Variants in PRRC2B observed in about 807,000 individuals in gnomAD.
PRRC2B encodes the protein protein PRRC2B.
A neutral mutation model predicts 242.3 loss-of-function variants in PRRC2B; 68 were observed. The ratio of observed to expected loss-of-function variants is 0.28; its 90% CI spans 0.23 to 0.34. The LOEUF (loss-of-function observed/expected upper bound fraction) is 0.34, where lower values mean the gene tolerates loss of function less well. Among genes scored for constraint, PRRC2B ranks in the 10% least tolerant of loss-of-function variants. PRRC2B has a pLI of 1.00. For synonymous variants in PRRC2B, 1,228 were observed against 1,173.6 expected, an observed-to-expected ratio of 1.05 and a Z score of -0.95; for missense variants, 2,835 against 2,954.8, an observed-to-expected ratio of 0.96 and a Z score of 0.94.
chr9:131,377,301 G>A (rs1291186237), intron 1 of PRRC2B, among the ~76,000 whole-genome samples: 1 of 152,286 alleles, frequency 6.6e-6, no homozygotes, highest in African/African-American at 2.4e-5. Context: ...TTTTAGTACA[G>A]ACGGGGTTTC....
rs754297872 is a variant in PRRC2B at position 131,484,719 on chromosome 9, C to G, written c.5494C>G (p.Arg1832Gly). The change falls in exon 24 of 32, where the codon CGG (arginine) becomes GGG (glycine). Residue 1832 changes from arginine to glycine, a missense_variant. By Grantham distance (125) the Arg-to-Gly change is moderately radical (BLOSUM62 -2). Transcript: ENST00000683519. ...GLTQSIPILR[R>G]DHHIQRAIGL... The stretch of plus-strand genomic sequence containing the variant: ...AACACAGAGTATCCCCATCCTGCGG[C>G]GGGACCATCACATCCAGAGGGCCAT... 3.1e-6 allele frequency: 5 copies of G among 1,612,652 alleles called. No individual in the cohort carries two copies. Among genetic ancestry groups the G allele is most frequent in the Non-Finnish European group, 4.2e-6 (5 of 1,179,200 alleles).
At chr9:131,470,020 T>C (rs1041116699) in intron 13 of PRRC2B, among the ~76,000 whole-genome samples, 1 of 152,210 alleles carries the variant, frequency 6.6e-6, no homozygotes, top group Admixed American at 6.5e-5. Context: ...ACAGGCTTTC[T>C]AGAGGAGGAT....
rs1401194279 is a variant in PRRC2B at position 131,444,345 on chromosome 9, T to C, written c.613+17T>C. On this transcript the variant is annotated intron_variant, in intron 6 of 31. Coordinates refer to ENST00000683519, the MANE Select transcript of PRRC2B (RefSeq NM_013318.4). ...GCCCTCAGAGTAAGTGACTGCAGCC[T>C]CTGGGCACTCGATGGAGTAACAGAA... 2.5e-6 allele frequency: 4 copies of C among 1,607,276 alleles called. No homozygotes were observed. Among genetic ancestry groups the C allele is most frequent in the Non-Finnish European group, 3.4e-6 (4 of 1,177,038 alleles).
chr9:131,495,983 G>T lies in PRRC2B; in HGVS notation c.*109G>T, dbSNP rs1944324268. ...ACCAGATCCACCGTCCAAATGCGTG[G>T]CCCAGACTGAGAGACCTCCCTCCTC... On this transcript the variant is annotated 3_prime_UTR_variant, in exon 32 of 32. Coordinates refer to ENST00000683519, the MANE Select transcript of PRRC2B (RefSeq NM_013318.4). The T allele has an allele frequency of 2.1e-6, 3 of 1,459,290 alleles. No individual in the cohort carries two copies. Among genetic ancestry groups the T allele is most frequent in the Non-Finnish European group, 2.8e-6 (3 of 1,084,746 alleles). 90.4% of individuals were successfully genotyped at this position (1,459,290 alleles called of 1,614,324 possible). A position where few individuals can be genotyped will look rare whatever the true frequency, so the allele number is the denominator to read the frequency against.
Position 131,470,829 on chromosome 9 carries a change from C to G in PRRC2B, c.1953C>G (p.Pro651=), listed in dbSNP as rs750809244. 25 of 1,612,290 alleles carry G rather than the reference C, an allele frequency of 1.6e-5. No individual in the cohort carries two copies. The highest frequency in any genetic ancestry group is 1.9e-5 in the Non-Finnish European group (22 of 1,178,932). The change falls in exon 14 of 32, where the codon CCC becomes CCG. Residue 651 remains proline (P), a synonymous_variant. Coordinates refer to ENST00000683519, the MANE Select transcript of PRRC2B (RefSeq NM_013318.4). The part of the protein sequence containing the change: ...YKMQHWQPVY[P]PPSHPQRTFY... ...TGCAGCACTGGCAGCCGGTGTACCC[C>G]CCGCCGTCCCACCCCCAGCGCACCT...
intron 9 of PRRC2B, among the ~76,000 whole-genome samples, chr9:131,453,264 C>T (rs920162458): frequency 2.6e-5 from 4 of 152,150 alleles, no homozygotes; most frequent in Non-Finnish European, 5.9e-5. Flanking sequence ...CATTCTTTTC[C>T]TTTAAGCTCC....
At chr9:131,434,984 T>C (rs945284108) in intron 3 of PRRC2B, among the ~76,000 whole-genome samples, 1 of 151,882 alleles carries the variant, frequency 6.6e-6, no homozygotes, top group African/African-American at 2.4e-5. Flanking sequence ...TACAGAAAAA[T>C]GGTGCAAAGA....
chr9:131,434,101 G>A (rs532569812), intron 3 of PRRC2B, among the ~76,000 whole-genome samples: 3 of 152,268 alleles, frequency 2.0e-5, no homozygotes, highest in East Asian at 1.9e-4. Flanking sequence ...GGCTTTGCTG[G>A]TGGTTACACG....
intron 28 of PRRC2B, chr9:131,491,209 C>T: frequency 5.9e-6 from 3 of 504,854 alleles, no homozygotes; most frequent in Non-Finnish European, 1.0e-5. Context: ...TACTCTATTC[C>T]AGCAAGAAGA....
chr9:131,400,746 G>T (rs1205067681), intron 1 of PRRC2B, among the ~76,000 whole-genome samples: 1 of 152,184 alleles, frequency 6.6e-6, no homozygotes, highest in Non-Finnish European at 1.5e-5. Context: ...AGGTTCTGGG[G>T]GGTCTCAGTC....
At chr9:131,452,104 CAGTATAAGATTGGT>C (rs1942940290) in intron 9 of PRRC2B, among the ~76,000 whole-genome samples, 1 of 5,100 alleles carries the variant, frequency 2.0e-4, no homozygotes, top group Non-Finnish European at 8.8e-4. Flanking sequence ...TTTGTAAGAT[CAGTATAAGATTGGT>C]ATTTTTGTAA....
intron 20 of PRRC2B, 117 bp downstream of exon 20, chr9:131,481,925 T>G: frequency 1.1e-6 from 1 of 926,706 alleles, no homozygotes; most frequent in Non-Finnish European, 1.7e-6. Flanking sequence ...CAGCTGAGCT[T>G]GGAATTAGGT....
intron 5 of PRRC2B, among the ~76,000 whole-genome samples, chr9:131,439,899 GAT>G (rs1564284569): frequency 8.4e-5 from 3 of 35,604 alleles, no homozygotes; most frequent in Non-Finnish European, 5.6e-5. Context: ...ACATCTGGCT[GAT>G]TTTTTTTTTT....
chr9:131,461,617 G>A (rs914537938), intron 11 of PRRC2B, among the ~76,000 whole-genome samples: 1 of 152,134 alleles, frequency 6.6e-6, no homozygotes, highest in Non-Finnish European at 1.5e-5. Context: ...TCTTGGCTCA[G>A]TGCAACCTCT....
intron 10 of PRRC2B, among the ~76,000 whole-genome samples, chr9:131,456,504 G>A (rs1005539300): frequency 6.6e-6 from 1 of 151,988 alleles, no homozygotes; most frequent in Non-Finnish European, 1.5e-5. Context: ...GGTGGTAGGT[G>A]CCTGTAGTCC....
At chr9:131,440,559 G>A (rs1338429146) in intron 5 of PRRC2B, among the ~76,000 whole-genome samples, 5 of 152,198 alleles carry the variant, frequency 3.3e-5, no homozygotes, top group Non-Finnish European at 7.3e-5. Flanking sequence ...GACCTAGCAA[G>A]TGCACCCTGA....
In PRRC2B at chr9:131,494,830, G is replaced by C. The variant is rs1944287245; in HGVS notation, c.6555+344G>C. ...GGGGGTCGGCTTTAGGAGCCGGGGTGCGCGCGCTGGTTCTAGTCAGTGGTG... is the reference window on the plus strand; with the variant it reads ...GGGGGTCGGCTTTAGGAGCCGGGGTCCGCGCGCTGGTTCTAGTCAGTGGTG... On this transcript the variant is annotated intron_variant, in intron 31 of 31. Transcript: ENST00000683519. The surrounding 1 kb of genome is among the most constrained non-coding windows in gnomAD (Gnocchi z 4.3). Among the ~76,000 whole-genome samples the C allele has an allele frequency of 6.6e-6, 1 of 152,192 alleles. No homozygotes were observed. The highest frequency in any genetic ancestry group is 2.4e-5 in the African/African-American group (1 of 41,454).
chr9:131,428,088 A>AT (rs1398305656), intron 1 of PRRC2B, among the ~76,000 whole-genome samples: 2 of 151,534 alleles, frequency 1.3e-5, no homozygotes, highest in East Asian at 3.9e-4. Context: ...TGCCCAGCTA[A>AT]TTTTTGTATT....
intron 9 of PRRC2B, among the ~76,000 whole-genome samples, chr9:131,449,438 C>A (rs138106560): frequency 6.6e-6 from 1 of 152,210 alleles, no homozygotes; most frequent in Non-Finnish European, 1.5e-5. Context: ...AAGCTCACTG[C>A]AGCCTTGAAC....
Sources: allele counts gnomAD v4.1 joint callset (sites outside exome capture counted in the v4.1 genomes callset), GRCh38; gene constraint gnomAD v4.1.1; non-coding constraint Gnocchi (gnomAD v3.1); transcripts MANE v1.5; gene names NCBI Gene and HGNC (gene_info 2026-07-23, HGNC 2026-07-21).